Variants in ME1 observed in about 807,000 individuals in gnomAD.
ME1 encodes the protein malic enzyme 1.
A neutral mutation model predicts 66.4 loss-of-function variants in ME1; 74 were observed. That is an observed-to-expected ratio of 1.11 (90% CI 0.92 to 1.35). The LOEUF (loss-of-function observed/expected upper bound fraction) is 1.35, where lower values mean the gene tolerates loss of function less well. Ranked by LOEUF, ME1 falls within the 40% of genes most tolerant of loss-of-function variation. ME1 has a pLI of 0.00. For synonymous variants in ME1, 251 were observed against 235.6 expected, an observed-to-expected ratio of 1.07 and a Z score of -0.60; for missense variants, 750 against 694.1, an observed-to-expected ratio of 1.08 and a Z score of -0.90.
Position 83,398,753 on chromosome 6 carries a change from C to G in ME1, c.213-237G>C, listed in dbSNP as rs564132703. Among the ~76,000 whole-genome samples the G allele has an allele frequency of 2.0e-5, 3 of 152,216 alleles. No individual in the cohort carries two copies. In the East Asian group the frequency reaches 5.8e-4, roughly 30 times the overall value. On this transcript the variant is annotated intron_variant, in intron 2 of 13. Coordinates refer to ENST00000369705, the MANE Select transcript of ME1 (RefSeq NM_002395.6). ...TTGGGAGGCTGAGGTGGGCGGATCA[C>G]AAGATCAGGAGTTCAAGACCAGCCT...
At chr6:83,290,227 C>T (rs560226684) in intron 6 of ME1, among the ~76,000 whole-genome samples, 108 of 152,126 alleles carry the variant, frequency 7.1e-4, no homozygotes, top group African/African-American at 2.5e-3. Context: ...GTTAGGATGT[C>T]GATTTTAGAT....
At chr6:83,267,328 C>A (rs756965102) in intron 6 of ME1, among the ~76,000 whole-genome samples, 1 of 152,068 alleles carries the variant, frequency 6.6e-6, no homozygotes, top group Admixed American at 6.6e-5. Flanking sequence ...ATTCCTTGTG[C>A]AATTCTAAAT....
Position 83,407,750 on chromosome 6 carries a change from C to G in ME1, c.212+18G>C. 1.3e-6 allele frequency: 2 copies of G among 1,553,244 alleles called. No individual in the cohort carries two copies. Among genetic ancestry groups the G allele is most frequent in the Non-Finnish European group, 1.7e-6 (2 of 1,157,808 alleles). Reference sequence around the variant, plus strand: ...CTGCATAAGAGAAATATAAAAACCACCTTCAGCAATGTGTTACCTGTCAAA... The same window carrying G: ...CTGCATAAGAGAAATATAAAAACCAGCTTCAGCAATGTGTTACCTGTCAAA... On this transcript the variant is annotated intron_variant, in intron 2 of 13. Transcript: ENST00000369705.
chr6:83,380,560 A>G (rs1282684058), intron 3 of ME1, among the ~76,000 whole-genome samples: 1 of 152,134 alleles, frequency 6.6e-6, no homozygotes, highest in Non-Finnish European at 1.5e-5. Context: ...AAGGGATACA[A>G]TTTCTAATGC....
In ME1 at chr6:83,211,626, A is replaced by G. The variant is rs1789872929; in HGVS notation, c.*298T>C. ...ATTTATTAGTAATTTTGGTCTTCCCATTAGTGTCCTGTATAAAAATGATGA... is the reference window on the plus strand; with the variant it reads ...ATTTATTAGTAATTTTGGTCTTCCCGTTAGTGTCCTGTATAAAAATGATGA... On this transcript the variant is annotated 3_prime_UTR_variant, in exon 14 of 14. Transcript: ENST00000369705. 5.2e-6 allele frequency: 1 copy of G among 192,870 alleles called. No individual in the cohort carries two copies. The highest frequency in any genetic ancestry group is 1.9e-4 in the South Asian group (1 of 5,220). The allele number at this position is 192,870 out of a possible 1,614,324, so 11.9% of individuals were successfully genotyped here. A position where few individuals can be genotyped will look rare whatever the true frequency, so the allele number is the denominator to read the frequency against.
intron 6 of ME1, among the ~76,000 whole-genome samples, chr6:83,291,525 C>T (rs1225310597): frequency 6.6e-6 from 1 of 152,096 alleles, no homozygotes; most frequent in Non-Finnish European, 1.5e-5. Context: ...GTGGGTAACC[C>T]AACCTTTCTC....
intron 3 of ME1, among the ~76,000 whole-genome samples, chr6:83,357,933 CTCTATATATATA>C (rs1244808230): frequency 2.2e-4 from 10 of 44,956 alleles, no homozygotes; most frequent in African/African-American, 3.1e-4. Flanking sequence ...CTCTCTCTCT[CTCTATATATATA>C]TATATATATA....
intron 5 of ME1, among the ~76,000 whole-genome samples, chr6:83,323,233 G>A (rs1768215049): frequency 6.6e-6 from 1 of 152,148 alleles, no homozygotes; most frequent in African/African-American, 2.4e-5. Context: ...ACATTATGAG[G>A]AAACTGTATC....
intron 12 of ME1, among the ~76,000 whole-genome samples, chr6:83,223,007 T>TCTGTCTCCTGTA (rs1457738367): frequency 2.0e-5 from 3 of 152,230 alleles, no homozygotes; most frequent in Non-Finnish European, 4.4e-5. Context: ...TAGGGTGGTT[T>TCTGTCTCCTGTA]CTGTCTCCTG....
intron 7 of ME1, among the ~76,000 whole-genome samples, chr6:83,244,164 G>A (rs1192483592): frequency 6.6e-6 from 1 of 151,812 alleles, no homozygotes; most frequent in East Asian, 1.9e-4. Flanking sequence ...GAGCGAGATT[G>A]GAAAAATCTT....
intron 7 of ME1, among the ~76,000 whole-genome samples, chr6:83,249,697 C>A (rs1056912687): frequency 2.0e-5 from 3 of 152,136 alleles, no homozygotes; most frequent in Non-Finnish European, 4.4e-5. Flanking sequence ...CTTCGACTGA[C>A]TTCCTTCTAA....
At chr6:83,283,720 C>A (rs183180918) in intron 6 of ME1, among the ~76,000 whole-genome samples, 1 of 152,164 alleles carries the variant, frequency 6.6e-6, no homozygotes, top group Admixed American at 6.5e-5. Context: ...AAGTAAACAA[C>A]CTGAAAAATA....
At chr6:83,394,142 G>A (rs1769685018) in intron 3 of ME1, among the ~76,000 whole-genome samples, 1 of 151,716 alleles carries the variant, frequency 6.6e-6, no homozygotes, top group African/African-American at 2.4e-5. Context: ...ACAATTAACA[G>A]TAAATTCTAA....
chr6:83,417,212 GA>G (rs1048751968), intron 1 of ME1, among the ~76,000 whole-genome samples: 1 of 151,662 alleles, frequency 6.6e-6, no homozygotes, highest in Non-Finnish European at 1.5e-5. Flanking sequence ...ACCACATCTG[GA>G]AAAAAAATTT....
Position 83,360,355 on chromosome 6 carries a change from G to A in ME1, c.363-8216C>T, listed in dbSNP as rs572088568. On this transcript the variant is annotated intron_variant, in intron 3 of 13. Transcript: ENST00000369705. Reference sequence around the variant, plus strand: ...TACTGGACAATGGCTCTGAGCTGACGTTGATTCCAGGGGACCCCAAACATT... The same window carrying A: ...TACTGGACAATGGCTCTGAGCTGACATTGATTCCAGGGGACCCCAAACATT... 8.3e-4 allele frequency among the ~76,000 whole-genome samples: 126 copies of A among 152,304 alleles called. 1 individual carries two copies. The highest frequency in any genetic ancestry group is 1.3e-3 in the Non-Finnish European group (88 of 68,038).
chr6:83,403,268 G>A (rs1039760684), intron 2 of ME1, among the ~76,000 whole-genome samples: 3 of 152,136 alleles, frequency 2.0e-5, no homozygotes, highest in African/African-American at 7.2e-5. Flanking sequence ...TATGGGTGGT[G>A]TCATAGTCCA....
intron 3 of ME1, among the ~76,000 whole-genome samples, chr6:83,373,523 T>C (rs1385166975): frequency 6.6e-6 from 1 of 152,210 alleles, no homozygotes; most frequent in Non-Finnish European, 1.5e-5. Flanking sequence ...CAGCCAGCAA[T>C]GTGTATTTTT....
intron 5 of ME1, among the ~76,000 whole-genome samples, chr6:83,321,468 G>C (rs1411079628): frequency 1.2e-4 from 19 of 152,082 alleles, no homozygotes; most frequent in Admixed American, 1.2e-3. Context: ...GGTGTGGGGA[G>C]GGATGTCCAT....
intron 6 of ME1, among the ~76,000 whole-genome samples, chr6:83,300,610 C>CTTTTTTTTTTTTTTTTTTTTTTTT: frequency 1.2e-5 from 1 of 84,990 alleles, no homozygotes; most frequent in Non-Finnish European, 2.2e-5. Flanking sequence ...TTCTTTCTTT[C>CTTTTTTTTTTTTTTTTTTTTTTTT]TTTTTTTTTT....
Sources: allele counts gnomAD v4.1 joint callset (sites outside exome capture counted in the v4.1 genomes callset), GRCh38; gene constraint gnomAD v4.1.1; transcripts MANE v1.5; gene names NCBI Gene and HGNC (gene_info 2026-07-23, HGNC 2026-07-21).